CACNB1: variants seen among roughly 807,000 people sequenced by gnomAD.
The protein encoded by CACNB1 is calcium voltage-gated channel auxiliary subunit beta 1.
In CACNB1, 29 loss-of-function variants were observed where a neutral mutation model predicts 71.6. The ratio of observed to expected loss-of-function variants is 0.40; its 90% CI spans 0.30 to 0.55. CACNB1 has a LOEUF of 0.55. Ranked by LOEUF, CACNB1 falls within the 20% of genes least tolerant of loss-of-function variation. The pLI, the probability that CACNB1 is intolerant of heterozygous loss-of-function variation, is 0.38. For synonymous variants in CACNB1, 300 were observed against 319.6 expected (o/e 0.94, Z 0.65); for missense variants, 623 against 801.8 (o/e 0.78, Z 2.69).
rs1259764511 is a variant in CACNB1, at chr17:39,194,859, C to T, written c.171+25G>A. ...GTCTCCACCAACCAGCCACCTCCCT[C>T]CTCTCCGCCCAGCCTCCCCATTACC... On this transcript the variant is annotated intron_variant, in intron 2 of 13. Transcript: ENST00000394303. This position sits in a 1 kb window ranked among gnomAD's most constrained non-coding sequence, Gnocchi z 4.6. 1.9e-6 allele frequency: 3 copies of T among 1,543,498 alleles called. No individual in the cohort carries two copies. Among genetic ancestry groups the T allele is most frequent in the Non-Finnish European group, 2.7e-6 (3 of 1,119,946 alleles).
chr17:39,191,926 A>G lies in CACNB1; in HGVS notation c.172-333T>C, dbSNP rs2046090480. 2.7e-5 allele frequency: 9 copies of G among 335,856 alleles called. No homozygotes were observed. In the East Asian group the frequency reaches 8.1e-4, roughly 30 times the overall value. 20.8% of individuals were successfully genotyped at this position (335,856 alleles called of 1,614,324 possible). A position where few individuals can be genotyped will look rare whatever the true frequency, so the allele number is the denominator to read the frequency against. On this transcript the variant is annotated intron_variant, in intron 2 of 13. Transcript: ENST00000394303. ...ATGCCAGGGACGAGTCTCTACTCCC[A>G]CTGCTCCTTCCCTCCCCTGCCCCCA...
At chr17:39,191,690 G>T in intron 2 of CACNB1, 97 bp from the exon 3 acceptor site, 2 of 1,233,052 alleles carry the variant, frequency 1.6e-6, no homozygotes, top group Non-Finnish European at 2.3e-6. Context: ...GATGCCTCGA[G>T]CCCCAGCCAG....
chr17:39,177,627 A>T (rs2045620526), intron 12 of CACNB1, 92 bp from the exon 13 acceptor site: 13 of 972,596 alleles, frequency 1.3e-5, no homozygotes, highest in Non-Finnish European at 1.8e-5. Flanking sequence ...GGTAGAGTCA[A>T]GGGATTGAAG....
chr17:39,192,787 G>C (rs1567812230), intron 2 of CACNB1: 1 of 152,240 alleles, frequency 6.6e-6, no homozygotes, highest in East Asian at 1.9e-4. Context: ...CCTCTCCCCA[G>C]GGGCCTCAGG....
chr17:39,185,289 G>A (rs1486252197), intron 6 of CACNB1, 139 bp from the exon 7 acceptor site: 5 of 733,412 alleles, frequency 6.8e-6, no homozygotes, highest in East Asian at 2.6e-5. Flanking sequence ...CAGGGCATGC[G>A]TGTTAGTGAC....
intron 3 of CACNB1, among the ~76,000 whole-genome samples, chr17:39,191,021 G>A (rs538588079): frequency 6.6e-5 from 10 of 151,790 alleles, no homozygotes; most frequent in Admixed American, 6.6e-4. Flanking sequence ...TGGCTAACAT[G>A]GTGAAACCCC....
chr17:39,184,025 G>A lies in CACNB1; in HGVS notation c.898+6C>T, dbSNP rs778680819. The A allele has an allele frequency of 3.1e-6, 5 of 1,603,174 alleles. No individual in the cohort carries two copies. The highest frequency in any genetic ancestry group is 4.3e-6 in the Non-Finnish European group (5 of 1,170,300). On this transcript the variant is annotated splice_donor_region_variant and intron_variant, in intron 10 of 13. Transcript: ENST00000394303. Reference sequence around the variant, plus strand: ...GGGGGAGTGAAGACAGCAGGAGTAGGCTCACCCAGGCTGGAGCGTGTGTTG... The same window carrying A: ...GGGGGAGTGAAGACAGCAGGAGTAGACTCACCCAGGCTGGAGCGTGTGTTG...
Position 39,186,534 on chromosome 17 carries a change from A to G in CACNB1, c.590T>C (p.Val197Ala). ...TGTGGGGCGGCGGGTGCCAGTCACCACATCTCCCAGACTGGAACTGGAGTT... is the reference window on the plus strand; with the variant it reads ...TGTGGGGCGGCGGGTGCCAGTCACCGCATCTCCCAGACTGGAACTGGAGTT... ...GDNSSSSLGD[V>A]VTGTRRPTPP... The change falls in exon 6 of 14, where the codon GTG becomes GCG. Residue 197 changes from valine to alanine, a missense_variant. Transcript: ENST00000394303. The surrounding 1 kb of genome is among the most constrained non-coding windows in gnomAD (Gnocchi z 4.1). The G allele has an allele frequency of 6.2e-7, 1 of 1,613,692 alleles. No individual in the cohort carries two copies. The highest frequency in any genetic ancestry group is 8.5e-7 in the Non-Finnish European group (1 of 1,179,798).
rs1339440855 is a variant in CACNB1 at position 39,184,035 on chromosome 17, G to C, written c.894C>G (p.Ser298Arg). 2.5e-6 allele frequency: 4 copies of C among 1,609,108 alleles called. No individual in the cohort carries two copies. Among genetic ancestry groups the C allele is most frequent in the Non-Finnish European group, 2.6e-6 (3 of 1,175,606 alleles). ...IIIERSNTRSSLAEVQSEIER... is the reference protein window; with the variant it reads ...IIIERSNTRSRLAEVQSEIER... ...AGACAGCAGGAGTAGGCTCACCCAG[G>C]CTGGAGCGTGTGTTGGAGCGCTCAA... Residue 298 changes from serine (S) to arginine (R), a missense_variant, in exon 10 of 14, where the codon AGC becomes AGG. By Grantham distance (110) the Ser-to-Arg change is moderately radical. Transcript: ENST00000394303.
rs1201187082 is a variant in CACNB1 at position 39,177,465 on chromosome 17, T to C, written c.1217A>G (p.Glu406Gly). 6.2e-7 allele frequency: 1 copy of C among 1,612,102 alleles called. No individual in the cohort carries two copies. The highest frequency in any genetic ancestry group is 1.7e-5 in the Admixed American group (1 of 59,920). The change falls in exon 13 of 14, where the codon GAA becomes GGA. Residue 406 changes from glutamate (E) to glycine (G), a missense_variant. Physicochemically the swap from Glu to Gly is moderately conservative, Grantham distance 98. Coordinates refer to ENST00000394303, the MANE Select transcript of CACNB1 (RefSeq NM_000723.5). ...CGGGTGTGTGGCCTTCCAATAGGCT[T>C]CCAAGTACTCCGCCAGATGCTCGCA... ...DACEHLAEYLEAYWKATHPPS... is the reference protein window; with the variant it reads ...DACEHLAEYLGAYWKATHPPS...
Position 39,190,648 on chromosome 17 carries a change from G to C in CACNB1, c.291+826C>G, listed in dbSNP as rs1027969045. Among the ~76,000 whole-genome samples, 14 of 151,404 alleles carry C rather than the reference G, an allele frequency of 9.2e-5. No individual in the cohort carries two copies. In the South Asian group the frequency reaches 2.1e-3, roughly 23 times the overall value. On this transcript the variant is annotated intron_variant, in intron 3 of 13. Transcript: ENST00000394303. Reference sequence around the variant, plus strand: ...TCACCACATTGCCCAAGCTGGTCTCGAACTCCTGACCTCAAGTGATCCGCC... The same window carrying C: ...TCACCACATTGCCCAAGCTGGTCTCCAACTCCTGACCTCAAGTGATCCGCC...
Position 39,191,800 on chromosome 17 carries a change from A to T in CACNB1, c.172-207T>A, listed in dbSNP as rs991971120. On this transcript the variant is annotated intron_variant, in intron 2 of 13. Transcript: ENST00000394303. ...CCCTGGGGAAAGTGTGGCCCTAGTGAGGGTGACAGCAGCAAGCAGGAGATG... is the reference window on the plus strand; with the variant it reads ...CCCTGGGGAAAGTGTGGCCCTAGTGTGGGTGACAGCAGCAAGCAGGAGATG... 3.1e-5 allele frequency: 17 copies of T among 543,848 alleles called. No homozygotes were observed. The African/African-American group carries it at 3.4e-4, about 11-fold the overall frequency. 33.7% of individuals were successfully genotyped at this position (543,848 alleles called of 1,614,324 possible). A position where few individuals can be genotyped will look rare whatever the true frequency, so the allele number is the denominator to read the frequency against.
At chr17:39,189,765 C>A (rs555285074) in intron 3 of CACNB1, among the ~76,000 whole-genome samples, 1 of 150,882 alleles carries the variant, frequency 6.6e-6, no homozygotes, top group Non-Finnish European at 1.5e-5. Context: ...CCCAAAGTGC[C>A]GGGATTACAG....
intron 13 of CACNB1, 116 bp downstream of exon 13, chr17:39,177,234 C>A: frequency 1.3e-6 from 2 of 1,568,924 alleles, no homozygotes; most frequent in South Asian, 2.3e-5. Context: ...GGAAGACGGG[C>A]AGGGCGCCCA....
In CACNB1 at chr17:39,184,495, G is replaced by T. The variant is rs2045878739; in HGVS notation, c.730-112C>A. The T allele has an allele frequency of 8.5e-6, 6 of 702,464 alleles. No homozygotes were observed. The South Asian group carries it at 9.5e-5, about 11-fold the overall frequency. The allele number at this position is 702,464 out of a possible 1,614,324, so 43.5% of individuals were successfully genotyped here. ...CTCACGTTCCACTTTCTTCTGGACAGGCCTTTACGGCGGGCGGGGGTCTGA... is the reference window on the plus strand; with the variant it reads ...CTCACGTTCCACTTTCTTCTGGACATGCCTTTACGGCGGGCGGGGGTCTGA... On this transcript the variant is annotated intron_variant, in intron 8 of 13. Coordinates refer to ENST00000394303, the MANE Select transcript of CACNB1 (RefSeq NM_000723.5).
intron 11 of CACNB1, among the ~76,000 whole-genome samples, chr17:39,183,451 A>G (rs1362734472): frequency 6.6e-6 from 1 of 152,230 alleles, no homozygotes; most frequent in Non-Finnish European, 1.5e-5. Context: ...TGGGAAGTCA[A>G]TCAGAGTGGA....
At chr17:39,177,251 G>A (rs1313470368) in intron 13 of CACNB1, 99 bp downstream of exon 13, 3 of 1,595,166 alleles carry the variant, frequency 1.9e-6, no homozygotes, top group South Asian at 1.1e-5. Context: ...CCCACTACAT[G>A]GCATGTTCCT....
intron 8 of CACNB1, 82 bp downstream of exon 8, chr17:39,184,702 C>A (rs565667460): frequency 2.2e-4 from 222 of 1,001,110 alleles, no homozygotes; most frequent in Non-Finnish European, 3.1e-4. Flanking sequence ...GCCTTGGGAT[C>A]GGGCCCTTCT....
At chr17:39,195,784 A>G (rs1320566195) in intron 1 of CACNB1, among the ~76,000 whole-genome samples, 1 of 152,156 alleles carries the variant, frequency 6.6e-6, no homozygotes, top group Non-Finnish European at 1.5e-5. Flanking sequence ...CCCATGCCCC[A>G]TGCCCATGGT....
Sources: allele counts gnomAD v4.1 joint callset (sites outside exome capture counted in the v4.1 genomes callset), GRCh38; gene constraint gnomAD v4.1.1; non-coding constraint Gnocchi (gnomAD v3.1); transcripts MANE v1.5; gene names NCBI Gene and HGNC (gene_info 2026-07-23, HGNC 2026-07-21).